The following SDK1 variants were observed in gnomAD, a reference collection of about 807,000 sequenced individuals.
SDK1 encodes the protein sidekick cell adhesion molecule 1.
In SDK1, 157 loss-of-function variants were observed where a neutral mutation model predicts 245.5. That is an observed-to-expected ratio of 0.64 (90% CI 0.56 to 0.73). The LOEUF is 0.73. Among genes scored for constraint, SDK1 ranks in the 30% least tolerant of loss-of-function variants. The probability of loss-of-function intolerance (pLI) is 0.00; values close to 1 mark genes in which losing one functional copy is unlikely to be tolerated. For missense variants in SDK1, 3,583 were observed against 3,002.3 expected (o/e 1.19, Z -4.52); for synonymous variants, 1,647 against 1,278.5 (o/e 1.29, Z -6.15).
At chr7:3,859,061 A>G (rs1394410704) in intron 5 of SDK1, among the ~76,000 whole-genome samples, 6 of 151,500 alleles carry the variant, frequency 4.0e-5, no homozygotes, top group African/African-American at 1.5e-4. Context: ...ACGGGGTTTC[A>G]CTGTGTTAGC....
At chr7:3,458,752 T>A (rs969738866) in intron 1 of SDK1, among the ~76,000 whole-genome samples, 1 of 152,172 alleles carries the variant, frequency 6.6e-6, no homozygotes, top group African/African-American at 2.4e-5. Flanking sequence ...AGTGTCACCT[T>A]TGTCCTAAAT....
chr7:4,121,642 T>C (rs759617635), intron 25 of SDK1, among the ~76,000 whole-genome samples: 13 of 152,200 alleles, frequency 8.5e-5, no homozygotes, highest in Non-Finnish European at 1.6e-4. Context: ...GACTGATACA[T>C]ATGGCTAGAG....
chr7:4,132,213 T>C, intron 27 of SDK1, 112 bp from the exon 28 acceptor site: 2 of 799,144 alleles, frequency 2.5e-6, no homozygotes, highest in South Asian at 1.6e-5. Context: ...CCCACGACAG[T>C]GTAGCCTGTG....
At chr7:3,646,265 C>T (rs1372538304) in intron 4 of SDK1, among the ~76,000 whole-genome samples, 1 of 152,162 alleles carries the variant, frequency 6.6e-6, no homozygotes, top group Non-Finnish European at 1.5e-5. Context: ...CATGTTTAAA[C>T]ATTACCTCAT....
At chr7:3,638,535 C>T (rs1283578820) in intron 2 of SDK1, among the ~76,000 whole-genome samples, 3 of 147,146 alleles carry the variant, frequency 2.0e-5, no homozygotes, top group Admixed American at 7.0e-5. Context: ...AACACAAGGA[C>T]AAAAAACCAA....
At chr7:3,316,312 A>G (rs1205505780) in intron 1 of SDK1, among the ~76,000 whole-genome samples, 1 of 152,170 alleles carries the variant, frequency 6.6e-6, no homozygotes, top group Admixed American at 6.5e-5. Context: ...TTAGACACAT[A>G]AATACTTGTG....
At chr7:3,525,022 A>G (rs140371567) in intron 1 of SDK1, among the ~76,000 whole-genome samples, 66 of 152,324 alleles carry the variant, frequency 4.3e-4, no homozygotes, top group Non-Finnish European at 8.5e-4. Flanking sequence ...CAATACAACA[A>G]TAGAAATAAT....
At chr7:3,765,858 G>A (rs1198064001) in intron 4 of SDK1, among the ~76,000 whole-genome samples, 1 of 152,052 alleles carries the variant, frequency 6.6e-6, no homozygotes, top group East Asian at 1.9e-4. Flanking sequence ...TTAAATATTA[G>A]CTGTTAAAAA....
intron 1 of SDK1, among the ~76,000 whole-genome samples, chr7:3,347,370 C>T (rs1780536738): frequency 6.6e-6 from 1 of 151,856 alleles, no homozygotes; most frequent in Non-Finnish European, 1.5e-5. Flanking sequence ...TGTTGGATAC[C>T]AGTTGGAGAT....
intron 44 of SDK1, among the ~76,000 whole-genome samples, chr7:4,264,857 C>T (rs1369519932): frequency 2.6e-5 from 4 of 152,182 alleles, no homozygotes; most frequent in Non-Finnish European, 4.4e-5. Context: ...CCCAGCTCTT[C>T]TCGGAAACCT....
intron 5 of SDK1, among the ~76,000 whole-genome samples, chr7:3,891,612 T>G (rs956190367): frequency 6.6e-6 from 1 of 152,190 alleles, no homozygotes; most frequent in Non-Finnish European, 1.5e-5. Flanking sequence ...TTCTCTAAAC[T>G]CAATTCCAAG....
At chr7:3,434,922 A>T (rs927356490) in intron 1 of SDK1, among the ~76,000 whole-genome samples, 2 of 152,196 alleles carry the variant, frequency 1.3e-5, no homozygotes, top group African/African-American at 4.8e-5. Context: ...ATGTTTTCTC[A>T]TCTCACAGGT....
intron 17 of SDK1, among the ~76,000 whole-genome samples, chr7:4,027,416 T>C (rs1226879388): frequency 6.6e-6 from 1 of 152,344 alleles, no homozygotes; most frequent in Admixed American, 6.5e-5. Flanking sequence ...AGGTGGGGTT[T>C]GCACAGTCCC....
chr7:3,601,173 C>G (rs889462912), intron 1 of SDK1, among the ~76,000 whole-genome samples: 5 of 152,000 alleles, frequency 3.3e-5, no homozygotes, highest in Non-Finnish European at 7.4e-5. Flanking sequence ...AGATACTGGT[C>G]TATAGTTTAC....
chr7:3,723,494 A>G (rs962378944), intron 4 of SDK1, among the ~76,000 whole-genome samples: 5 of 152,222 alleles, frequency 3.3e-5, no homozygotes, highest in African/African-American at 4.8e-5. Context: ...TTATTCACAC[A>G]CTAGTAGCAA....
At chr7:3,572,045 G>A (rs2178624) in intron 1 of SDK1, among the ~76,000 whole-genome samples, 22 of 151,980 alleles carry the variant, frequency 1.4e-4, no homozygotes, top group Admixed American at 1.4e-3. Context: ...AACTATCAAT[G>A]CCAAACAGTC....
chr7:3,698,472 T>C lies in SDK1; in HGVS notation c.713+56367T>C, dbSNP rs139084817. The stretch of plus-strand genomic sequence containing the variant: ...AGAGGCCTAGTGGAGAATCAGGATT[T>C]TCCCATCTTCTCAGTGGTGACAAGG... On this transcript the variant is annotated intron_variant, in intron 4 of 44. Transcript: ENST00000404826. Among the ~76,000 whole-genome samples the C allele has an allele frequency of 9.0e-3, 1,371 of 152,202 alleles. 8 individuals carry two copies. The highest frequency in any genetic ancestry group is 0.02 in the Middle Eastern group (6 of 294).
At chr7:4,167,835 C>G (rs948715815) in intron 32 of SDK1, among the ~76,000 whole-genome samples, 5 of 152,242 alleles carry the variant, frequency 3.3e-5, no homozygotes, top group Non-Finnish European at 7.3e-5. Flanking sequence ...AGACTTCTGC[C>G]TGTCTTGGGC....
intron 1 of SDK1, among the ~76,000 whole-genome samples, chr7:3,438,353 A>G (rs918606342): frequency 1.3e-5 from 2 of 152,250 alleles, no homozygotes; most frequent in African/African-American, 4.8e-5. Flanking sequence ...CAGAGAAAAT[A>G]GAATATGCTG....
Sources: gnomAD v4.1 joint callset for allele counts (sites outside exome capture counted in the v4.1 genomes callset) on GRCh38, gnomAD v4.1.1 for gene constraint, MANE v1.5 for transcripts, NCBI Gene and HGNC (gene_info 2026-07-23, HGNC 2026-07-21) for gene names.